Variants in ANAPC2 observed in about 807,000 individuals in gnomAD.
ANAPC2 encodes the protein anaphase promoting complex subunit 2.
ANAPC2 carries 29 observed loss-of-function variants against 84.3 expected under a neutral mutation model. That is an observed-to-expected ratio of 0.34 (90% CI 0.26 to 0.47). ANAPC2 has a LOEUF of 0.47. Among genes scored for constraint, ANAPC2 ranks in the 20% least tolerant of loss-of-function variants. The pLI is 1.00. For synonymous variants in ANAPC2, 571 were observed against 479.4 expected (o/e 1.19, Z -2.50); for missense variants, 857 against 1,131.7 (o/e 0.76, Z 3.48).
At chr9:137,182,985 G>A in intron 6 of ANAPC2, 140 bp downstream of exon 6, 1 of 664,582 alleles carries the variant, frequency 1.5e-6, no homozygotes, top group Non-Finnish European at 2.6e-6. Context: ...CCTCGGGCCT[G>A]ATCCCGTGCA....
intron 4 of ANAPC2, among the ~76,000 whole-genome samples, chr9:137,184,309 CCAGACA>C (rs1028285492): frequency 6.8e-6 from 1 of 146,050 alleles, no homozygotes. Context: ...CACAAGGAGC[CCAGACA>C]CAGACACAGA....
At chr9:137,186,419 G>C in intron 2 of ANAPC2, 63 bp from the exon 3 acceptor site, 2 of 1,525,488 alleles carry the variant, frequency 1.3e-6, no homozygotes, top group Non-Finnish European at 1.8e-6. Context: ...GCCCAGAACA[G>C]CCCCATGCCA....
In ANAPC2 at chr9:137,178,447, G is replaced by A. The variant is rs145052931; in HGVS notation, c.1890+1734C>T. Among the ~76,000 whole-genome samples the A allele has an allele frequency of 5.8e-4, 88 of 152,364 alleles. 1 individual carries two copies. In the East Asian group the frequency reaches 0.014, roughly 24 times the overall value. ...ACATCAGGCCTGAGCAACAGGAAGTGGCTGAGTCATGCCTGGGACCCAAGG... is the reference window on the plus strand; with the variant it reads ...ACATCAGGCCTGAGCAACAGGAAGTAGCTGAGTCATGCCTGGGACCCAAGG... On this transcript the variant is annotated intron_variant, in intron 10 of 12. Coordinates refer to ENST00000323927, the MANE Select transcript of ANAPC2 (RefSeq NM_013366.4).
At chr9:137,184,780 C>G (rs1834425071) in intron 4 of ANAPC2, 133 bp downstream of exon 4, 1 of 1,167,458 alleles carries the variant, frequency 8.6e-7, no homozygotes, top group Non-Finnish European at 1.2e-6. Flanking sequence ...GCCCTGGGAG[C>G]CCCAGACGCA....
At chr9:137,186,430 G>C in intron 2 of ANAPC2, 74 bp from the exon 3 acceptor site, 1 of 1,512,826 alleles carries the variant, frequency 6.6e-7, no homozygotes, top group Non-Finnish European at 8.9e-7. Flanking sequence ...CCCCATGCCA[G>C]GACTGCCCTG....
chr9:137,185,518 AC>A (rs1479807123), intron 3 of ANAPC2, among the ~76,000 whole-genome samples: 1 of 152,120 alleles, frequency 6.6e-6, no homozygotes, highest in Non-Finnish European at 1.5e-5. Flanking sequence ...TGCCCCACAG[AC>A]CTGCTACCCA....
Position 137,188,442 on chromosome 9 carries a change from G to C in ANAPC2, c.91C>G (p.Leu31Val). 1 of 1,609,664 alleles carries C rather than the reference G, an allele frequency of 6.2e-7. No homozygotes were observed. Among genetic ancestry groups the C allele is most frequent in the Non-Finnish European group, 8.5e-7 (1 of 1,179,496 alleles). Reference sequence around the variant, plus strand: ...AGCCCCAGCGCAGCCGGCGGCACCAGGCCGGTGCTCACGGTGTTCCAGGCC... The same window carrying C: ...AGCCCCAGCGCAGCCGGCGGCACCACGCCGGTGCTCACGGTGTTCCAGGCC... ...LVAWNTVSTG[L>V]VPPAALGLVS... The change falls in exon 1 of 13, where the codon CTG becomes GTG. Residue 31 changes from leucine (L) to valine (V), a missense_variant. Leu to Val is a conservative substitution (Grantham distance 32, BLOSUM62 1). Around this residue, in one of 3 missense-constraint regions of ANAPC2, gnomAD observed 428 missense variants for 513.8 expected, o/e 0.83. Transcript: ENST00000323927.
rs1400838473 is a variant in ANAPC2 at position 137,183,314 on chromosome 9, A to G, written c.1169-72T>C. 3 of 1,297,068 alleles carry G rather than the reference A, an allele frequency of 2.3e-6. No homozygotes were observed. The Admixed American group carries it at 5.2e-5, about 23-fold the overall frequency. The allele number at this position is 1,297,068 out of a possible 1,614,324, so 80.3% of individuals were successfully genotyped here. On this transcript the variant is annotated intron_variant, in intron 5 of 12. Coordinates refer to ENST00000323927, the MANE Select transcript of ANAPC2 (RefSeq NM_013366.4). The stretch of plus-strand genomic sequence containing the variant: ...AGCCTCCCAGGGGCAACACCCGAGT[A>G]GACAGCTGGCCATGCCGGTAGGTGG...
At chr9:137,180,761 A>G (rs1031089066) in intron 8 of ANAPC2, 27 bp downstream of exon 8, 2 of 1,603,580 alleles carry the variant, frequency 1.2e-6, no homozygotes, top group Non-Finnish European at 1.7e-6. Flanking sequence ...GCACCCCTGG[A>G]GATGGCCAGC....
chr9:137,180,958 T>C (rs1432935245), intron 7 of ANAPC2, 29 bp from the exon 8 acceptor site: 13 of 1,607,822 alleles, frequency 8.1e-6, no homozygotes, highest in Middle Eastern at 1.7e-4. Context: ...GGGTGTCACC[T>C]GACAGGCACC....
chr9:137,183,413 T>G, intron 5 of ANAPC2, 171 bp from the exon 6 acceptor site: 1 of 753,716 alleles, frequency 1.3e-6, no homozygotes, highest in Non-Finnish European at 2.2e-6. Flanking sequence ...GGTCCCGCCC[T>G]GCAGGGAGGT....
intron 10 of ANAPC2, among the ~76,000 whole-genome samples, chr9:137,177,987 G>A (rs894961005): frequency 6.6e-5 from 10 of 152,162 alleles, no homozygotes. Context: ...TTAGACTTCT[G>A]ACTTCTGTAA....
chr9:137,177,799 G>A (rs974049023), intron 10 of ANAPC2, among the ~76,000 whole-genome samples: 3 of 135,100 alleles, frequency 2.2e-5, no homozygotes, highest in Non-Finnish European at 5.3e-5. Flanking sequence ...CTGGAATAGA[G>A]AGAGTGTTCT....
At position 137,184,106 on chromosome 9, in the gene ANAPC2, C is replaced by T. The variant is rs568610348; in HGVS notation, c.1049-315G>A. ...CCTGCCCTGATCCAGGCACGGGGGA[C>T]GCCGCAGTGGGGACAGTCCCAGCAC... On this transcript the variant is annotated intron_variant, in intron 4 of 12. Coordinates refer to ENST00000323927, the MANE Select transcript of ANAPC2 (RefSeq NM_013366.4). Among the ~76,000 whole-genome samples the T allele has an allele frequency of 5.9e-5, 9 of 152,346 alleles. No individual in the cohort carries two copies. The South Asian group carries it at 1.0e-3, about 18-fold the overall frequency.
In ANAPC2 at chr9:137,175,087, T is replaced by C; in HGVS notation, c.2324A>G (p.Asn775Ser). 1.9e-6 allele frequency: 3 copies of C among 1,608,780 alleles called. No individual in the cohort carries two copies. The highest frequency in any genetic ancestry group is 3.3e-4 in the Middle Eastern group (2 of 6,056). Reference sequence around the variant, plus strand: ...AGTCACCACAAACATGCGGAGCATGTTGTAGATACGATCCAGTGAGAGGCT... The same window carrying C: ...AGTCACCACAAACATGCGGAGCATGCTGTAGATACGATCCAGTGAGAGGCT... ...LESLSLDRIY[N>S]MLRMFVVTGP... The change falls in exon 13 of 13, where the codon AAC becomes AGC. Residue 775 changes from asparagine to serine, a missense_variant. By Grantham distance (46) the Asn-to-Ser change is conservative. Transcript: ENST00000323927.
chr9:137,175,110 G>A lies in ANAPC2; in HGVS notation c.2301C>T (p.Ser767=), dbSNP rs1228098467. ...TGTTGTAGATACGATCCAGTGAGAG[G>A]CTCTCCAGGTTGGTCAGCATGGCCT... is the stretch of plus-strand genomic sequence containing the variant. ...YIQAMLTNLE[S]LSLDRIYNML... The change falls in exon 13 of 13, where the codon AGC becomes AGT. Residue 767 remains serine, a synonymous_variant. Transcript: ENST00000323927. 1 of 1,609,404 alleles carries A rather than the reference G, an allele frequency of 6.2e-7. No individual in the cohort carries two copies. The highest frequency in any genetic ancestry group is 8.5e-7 in the Non-Finnish European group (1 of 1,178,506).
At chr9:137,188,341 C>A in intron 1 of ANAPC2, 75 bp downstream of exon 1, 2 of 1,487,618 alleles carry the variant, frequency 1.3e-6, no homozygotes, top group Non-Finnish European at 1.8e-6. Context: ...CGTATGAACC[C>A]GAGGGTAGCG....
intron 6 of ANAPC2, among the ~76,000 whole-genome samples, chr9:137,182,773 G>A (rs781464465): frequency 5.9e-5 from 9 of 152,346 alleles, no homozygotes; most frequent in Admixed American, 2.6e-4. Context: ...GGCCAGGACA[G>A]CAGAGCCCAC....
At chr9:137,175,926 C>G (rs1273090873) in intron 10 of ANAPC2, 89 bp from the exon 11 acceptor site, 30 of 1,464,850 alleles carry the variant, frequency 2.0e-5, no homozygotes, top group Non-Finnish European at 2.6e-5. Flanking sequence ...GAGAAAGGGG[C>G]TCCCAGAGCC....
Sources: gnomAD v4.1 joint callset for allele counts (sites outside exome capture counted in the v4.1 genomes callset) on GRCh38, gnomAD v4.1.1 for gene constraint, gnomAD v4.1.1 regional missense constraint, MANE v1.5 for transcripts, NCBI Gene and HGNC (gene_info 2026-07-23, HGNC 2026-07-21) for gene names.